PDS5B: variants seen among roughly 807,000 people sequenced by gnomAD.
PDS5B encodes PDS5 cohesin associated factor B, also known as sister chromatid cohesion protein PDS5 homolog B.
Under a neutral mutation model 184.1 loss-of-function variants are expected in PDS5B, and 51 were observed. That is an observed-to-expected ratio of 0.28 (90% confidence interval 0.22 to 0.35). The LOEUF is 0.35. Among genes scored for constraint, PDS5B ranks in the 10% least tolerant of loss-of-function variants. The pLI is 1.00. For synonymous variants in PDS5B, 566 were observed against 569.2 expected (o/e 0.99, Z 0.08); for missense variants, 1,180 against 1,723.3 (o/e 0.68, Z 5.58).
intron 1 of PDS5B, among the ~76,000 whole-genome samples, chr13:32,623,873 G>A (rs919125021): frequency 7.9e-5 from 12 of 151,934 alleles, no homozygotes; most frequent in South Asian, 2.1e-4. Flanking sequence ...GTGCAGTGGC[G>A]TGATCTTGGC....
chr13:32,613,231 G>A (rs992241245), intron 1 of PDS5B, among the ~76,000 whole-genome samples: 6 of 152,166 alleles, frequency 3.9e-5, no homozygotes, highest in African/African-American at 7.2e-5. Flanking sequence ...GGACATATAT[G>A]TTCTTTCTCT....
Position 32,760,686 on chromosome 13 carries a change from T to A in PDS5B, c.3484T>A (p.Ser1162Thr), listed in dbSNP as rs1279283591. ...AACTGTAAGCAATGCAAGCAGCAGCTCAAATCCAAGCTCTCCTGGAAGAAT... is the reference window on the plus strand; with the variant it reads ...AACTGTAAGCAATGCAAGCAGCAGCACAAATCCAAGCTCTCCTGGAAGAAT... ...METVSNASSS[S>T]NPSSPGRIKG... Residue 1162 changes from serine (S) to threonine (T), a missense_variant, in exon 30 of 35, where the codon TCA (serine) becomes ACA (threonine). Physicochemically the swap from Ser to Thr is moderately conservative, Grantham distance 58 (BLOSUM62 1). Coordinates refer to ENST00000315596, the MANE Select transcript of PDS5B (RefSeq NM_015032.4). 1 of 1,613,852 alleles carries A rather than the reference T, an allele frequency of 6.2e-7. No homozygotes were observed. The highest frequency in any genetic ancestry group is 8.5e-7 in the Non-Finnish European group (1 of 1,179,938).
intron 20 of PDS5B, 32 bp downstream of exon 20, chr13:32,732,256 A>G (rs1365277485): frequency 2.0e-6 from 3 of 1,484,552 alleles, no homozygotes; most frequent in Admixed American, 1.8e-5. Context: ...TGTTTATTTC[A>G]TATGTCATAG....
At chr13:32,714,034 T>C (rs532942309) in intron 19 of PDS5B, among the ~76,000 whole-genome samples, 2 of 152,242 alleles carry the variant, frequency 1.3e-5, no homozygotes, top group East Asian at 3.9e-4. Context: ...ATTGGTAGGA[T>C]CCGTGATGCC....
At chr13:32,617,991 G>T (rs867526988) in intron 1 of PDS5B, among the ~76,000 whole-genome samples, 1 of 152,184 alleles carries the variant, frequency 6.6e-6, no homozygotes, top group African/African-American at 2.4e-5. Flanking sequence ...AGGTTGTGTA[G>T]TCTGGTAAGG....
chr13:32,677,352 A>G lies in PDS5B; in HGVS notation c.962+1393A>G, dbSNP rs183043391. Among the ~76,000 whole-genome samples the G allele has an allele frequency of 2.7e-4, 41 of 152,206 alleles. No individual in the cohort carries two copies. The South Asian group carries it at 3.1e-3, about 12-fold the overall frequency. On this transcript the variant is annotated intron_variant, in intron 9 of 34. Coordinates refer to ENST00000315596, the MANE Select transcript of PDS5B (RefSeq NM_015032.4). Reference sequence around the variant, plus strand: ...ATATCTTTAAATTAAGACTTGGATTAGCTGGGATGTATTTTATTGGTTTTT... The same window carrying G: ...ATATCTTTAAATTAAGACTTGGATTGGCTGGGATGTATTTTATTGGTTTTT...
At chr13:32,619,427 A>T (rs749151552) in intron 1 of PDS5B, among the ~76,000 whole-genome samples, 1 of 152,224 alleles carries the variant, frequency 6.6e-6, no homozygotes, top group Non-Finnish European at 1.5e-5. Flanking sequence ...GCATATCTAA[A>T]CATACAAAAG....
rs760869498 is a variant in PDS5B at position 32,699,765 on chromosome 13, A to G, written c.1636A>G (p.Met546Val). The G allele has an allele frequency of 5.8e-6, 9 of 1,561,970 alleles. No homozygotes were observed. The highest frequency in any genetic ancestry group is 7.8e-6 in the Non-Finnish European group (9 of 1,158,440). ...LPDPGKAQDF[M>V]KKFTQVLEDD... ...TGATCCTGGTAAGGCTCAGGATTTC[A>G]TGAAGAAATTCACACAGGTGTTAGA... The change falls in exon 16 of 35, where the codon ATG (methionine) becomes GTG (valine). Residue 546 changes from methionine to valine, a missense_variant. By Grantham distance (21) the Met-to-Val change is conservative. Around this residue, in one of 11 missense-constraint regions of PDS5B, gnomAD observed 475 missense variants for 691.5 expected, o/e 0.69. Transcript: ENST00000315596.
intron 29 of PDS5B, 28 bp downstream of exon 29, chr13:32,759,718 T>C (rs1456027145): frequency 1.6e-6 from 2 of 1,248,740 alleles, no homozygotes; most frequent in East Asian, 2.3e-5. Flanking sequence ...TTTTAATTTT[T>C]ATGTGGTAGC....
At chr13:32,630,438 C>T (rs1405620783) in intron 1 of PDS5B, among the ~76,000 whole-genome samples, 1 of 152,100 alleles carries the variant, frequency 6.6e-6, no homozygotes, top group African/African-American at 2.4e-5. Flanking sequence ...CCCAGGGATG[C>T]TGCTGAACAT....
chr13:32,760,534 G>T, intron 29 of PDS5B, 41 bp from the exon 30 acceptor site: 3 of 1,597,642 alleles, frequency 1.9e-6, no homozygotes, highest in Non-Finnish European at 2.6e-6. Flanking sequence ...CTTTCTTTTG[G>T]CTTTAACCAA....
At chr13:32,661,400 A>C (rs541342738) in intron 6 of PDS5B, among the ~76,000 whole-genome samples, 2 of 150,188 alleles carry the variant, frequency 1.3e-5, no homozygotes, top group South Asian at 2.1e-4. Context: ...AAAAAAAAAA[A>C]AAAAAAAAAA....
Position 32,597,603 on chromosome 13 carries a change from G to T in PDS5B, c.-20+11010G>T, listed in dbSNP as rs1051463920. ...CACTTTGGGAGGCTGAGGCCGAGGGGGGGGCGGCAGGGGGTGCGGGGGTTG... is the reference window on the plus strand; with the variant it reads ...CACTTTGGGAGGCTGAGGCCGAGGGTGGGGCGGCAGGGGGTGCGGGGGTTG... On this transcript the variant is annotated intron_variant, in intron 1 of 34. Coordinates refer to ENST00000315596, the MANE Select transcript of PDS5B (RefSeq NM_015032.4). Among the ~76,000 whole-genome samples the T allele has an allele frequency of 1.6e-4, 25 of 151,950 alleles. 1 individual carries two copies. Among genetic ancestry groups the T allele is most frequent in the Middle Eastern group, 3.4e-3 (1 of 292 alleles).
chr13:32,726,599 T>C (rs1391719033), intron 19 of PDS5B, among the ~76,000 whole-genome samples: 4 of 152,226 alleles, frequency 2.6e-5, no homozygotes, highest in East Asian at 1.9e-4. Context: ...GATGTTGTTA[T>C]GAAATATGTC....
chr13:32,616,028 A>G (rs1182382204), intron 1 of PDS5B, among the ~76,000 whole-genome samples: 1 of 151,920 alleles, frequency 6.6e-6, no homozygotes, highest in African/African-American at 2.4e-5. Context: ...ATGCTAAGCT[A>G]GAAGTGATAT....
intron 1 of PDS5B, among the ~76,000 whole-genome samples, chr13:32,614,695 T>C (rs2058193229): frequency 6.6e-6 from 1 of 152,230 alleles, no homozygotes; most frequent in African/African-American, 2.4e-5. Flanking sequence ...ATATTACTTA[T>C]TGCCAGGTTT....
At chr13:32,655,374 A>ATTTTTTTT (rs1228814649) in intron 3 of PDS5B, among the ~76,000 whole-genome samples, 6 of 72,462 alleles carry the variant, frequency 8.3e-5, no homozygotes, top group African/African-American at 2.5e-4. Flanking sequence ...ATATATATAT[A>ATTTTTTTT]TTTTTTTTTT....
intron 31 of PDS5B, among the ~76,000 whole-genome samples, chr13:32,765,816 G>A (rs369363190): frequency 5.9e-5 from 9 of 152,312 alleles, no homozygotes; most frequent in African/African-American, 2.2e-4. Context: ...TGGCCAGGCT[G>A]GTCTCAAACG....
chr13:32,674,863 G>C (rs1215179813), intron 8 of PDS5B, among the ~76,000 whole-genome samples: 2 of 151,180 alleles, frequency 1.3e-5, no homozygotes, highest in Non-Finnish European at 2.9e-5. Context: ...AAGCCTTAAA[G>C]AAATAGCTGT....
Sources: gnomAD v4.1 joint callset for allele counts (sites outside exome capture counted in the v4.1 genomes callset) on GRCh38, gnomAD v4.1.1 for gene constraint, gnomAD v4.1.1 regional missense constraint, MANE v1.5 for transcripts, NCBI Gene and HGNC (gene_info 2026-07-23, HGNC 2026-07-21) for gene names.